Variants in ERBB3 observed in about 807,000 individuals in gnomAD.
ERBB3 encodes erb-b2 receptor tyrosine kinase 3.
Under a neutral mutation model 156.7 loss-of-function variants are expected in ERBB3, and 96 were observed. That is an observed-to-expected ratio of 0.61 (90% confidence interval 0.52 to 0.73). The LOEUF is 0.73. Among genes scored for constraint, ERBB3 ranks in the 30% least tolerant of loss-of-function variants. The probability of loss-of-function intolerance (pLI) is 0.00; values close to 1 mark genes in which losing one functional copy is unlikely to be tolerated. For synonymous variants in ERBB3, 567 were observed against 632.0 expected (o/e 0.90, Z 1.54); for missense variants, 1,406 against 1,709.4 (o/e 0.82, Z 3.13).
Position 56,096,785 on chromosome 12 carries a change from C to T in ERBB3, c.2213C>T (p.Pro738Leu). Residue 738 changes from proline to leucine, a missense_variant, in exon 19 of 28, where the codon CCA (proline) becomes CTA (leucine). Physicochemically the swap from Pro to Leu is moderately conservative, Grantham distance 98 (BLOSUM62 -3). Coordinates refer to ENST00000267101, the MANE Select transcript of ERBB3 (RefSeq NM_001982.4). ...CCTGAGGGTGAATCAATCAAGATTC[C>T]AGTCTGCATTAAAGTCATTGAGGAC... The part of the protein sequence containing the change: ...WIPEGESIKI[P>L]VCIKVIEDKS... The T allele has an allele frequency of 6.2e-7, 1 of 1,613,954 alleles. No homozygotes were observed. Among genetic ancestry groups the T allele is most frequent in the Non-Finnish European group, 8.5e-7 (1 of 1,179,946 alleles).
chr12:56,100,856 C>T (rs1035516148), intron 26 of ERBB3, among the ~76,000 whole-genome samples: 1 of 140,842 alleles, frequency 7.1e-6, no homozygotes, highest in African/African-American at 2.6e-5. Context: ...AGGAGAATCA[C>T]TTGAACAGGG....
chr12:56,096,787 G>C lies in ERBB3; in HGVS notation c.2215G>C (p.Val739Leu). ...TGAGGGTGAATCAATCAAGATTCCAGTCTGCATTAAAGTCATTGAGGACAA... is the reference window on the plus strand; with the variant it reads ...TGAGGGTGAATCAATCAAGATTCCACTCTGCATTAAAGTCATTGAGGACAA... ...IPEGESIKIP[V>L]CIKVIEDKSG... Residue 739 changes from valine (V) to leucine (L), a missense_variant, in exon 19 of 28, where the codon GTC becomes CTC. This residue lies in a region of ERBB3 where 979 missense variants were observed against 1,219.6 expected (regional missense o/e 0.80). Coordinates refer to ENST00000267101, the MANE Select transcript of ERBB3 (RefSeq NM_001982.4). 6.2e-7 allele frequency: 1 copy of C among 1,614,144 alleles called. No homozygotes were observed. The highest frequency in any genetic ancestry group is 8.5e-7 in the Non-Finnish European group (1 of 1,179,992).
chr12:56,089,992 AC>A (rs1868619126), intron 9 of ERBB3, among the ~76,000 whole-genome samples: 4 of 145,490 alleles, frequency 2.7e-5, no homozygotes, highest in Non-Finnish European at 6.1e-5. Flanking sequence ...TTCCCCATAT[AC>A]TTTTTTTTTT....
chr12:56,091,283 T>TAATATATATAAATATAA (rs1868678240), intron 9 of ERBB3, among the ~76,000 whole-genome samples: 1 of 51,762 alleles, frequency 1.9e-5, no homozygotes, highest in East Asian at 4.0e-4. Context: ...TATATATATA[T>TAATATATATAAATATAA]ATATATATAT....
At chr12:56,082,341 G>A (rs982377359) in intron 1 of ERBB3, among the ~76,000 whole-genome samples, 6 of 152,142 alleles carry the variant, frequency 3.9e-5, no homozygotes, top group Non-Finnish European at 8.8e-5. Context: ...ATCCTGCCAG[G>A]AAGGGGATTG....
chr12:56,103,044 A>G lies in ERBB3; in HGVS notation c.*989A>G, dbSNP rs565840792. 2 of 230,128 alleles carry G rather than the reference A, an allele frequency of 8.7e-6. No homozygotes were observed. The highest frequency in any genetic ancestry group is 2.2e-5 in the African/African-American group (1 of 45,210). The allele number at this position is 230,128 out of a possible 1,614,324, so 14.3% of individuals were successfully genotyped here. On this transcript the variant is annotated 3_prime_UTR_variant, in exon 28 of 28. Coordinates refer to ENST00000267101, the MANE Select transcript of ERBB3 (RefSeq NM_001982.4). ...AGATCCAGGATGCAAAATCCTCCCA[A>G]TTCCTGTGCATGTGCTCTTATTGTA...
In ERBB3 at chr12:56,102,008, T is replaced by G. The variant is rs761652415; in HGVS notation, c.3982T>G (p.Tyr1328Asp). ...ATDSAFDNPD[Y>D]WHSRLFPKAN... is the part of the protein sequence containing the mutation. ...AGACTCTGCCTTTGATAACCCTGATTACTGGCATAGCAGGCTTTTCCCCAA... is the reference window on the plus strand; with the variant it reads ...AGACTCTGCCTTTGATAACCCTGATGACTGGCATAGCAGGCTTTTCCCCAA... Residue 1328 changes from tyrosine (Y) to aspartate (D), a missense_variant, in exon 28 of 28, where the codon TAC (tyrosine) becomes GAC (aspartate). Physicochemically the swap from Tyr to Asp is radical, Grantham distance 160. Around this residue, in one of 3 missense-constraint regions of ERBB3, gnomAD observed 415 missense variants for 454.1 expected, o/e 0.91. Coordinates refer to ENST00000267101, the MANE Select transcript of ERBB3 (RefSeq NM_001982.4). The G allele has an allele frequency of 1.2e-6, 2 of 1,613,316 alleles. No individual in the cohort carries two copies. The highest frequency in any genetic ancestry group is 1.7e-6 in the Non-Finnish European group (2 of 1,179,988).
At chr12:56,091,292 AT>A (rs1262639432) in intron 9 of ERBB3, among the ~76,000 whole-genome samples, 3 of 58,138 alleles carry the variant, frequency 5.2e-5, no homozygotes, top group Admixed American at 4.4e-4. Flanking sequence ...ATATATATAT[AT>A]ATAAATAATA....
At chr12:56,097,738 A>AGAT in intron 20 of ERBB3, 47 bp from the exon 21 acceptor site, 2 of 1,580,860 alleles carry the variant, frequency 1.3e-6, no homozygotes, top group Non-Finnish European at 1.7e-6. Flanking sequence ...GATCTCAGTG[A>AGAT]CTGATTCCCC....
At chr12:56,089,128 C>CT (rs1868585078) in intron 9 of ERBB3, 2 of 542,478 alleles carry the variant, frequency 3.7e-6, no homozygotes, top group African/African-American at 4.0e-5. Flanking sequence ...TTAAAGTTTT[C>CT]TTTTTTATTC....
At position 56,099,729 on chromosome 12, in the gene ERBB3, G is replaced by A. The variant is rs376939275; in HGVS notation, c.2921G>A (p.Arg974Gln). The change falls in exon 24 of 28, where the codon CGG becomes CAG. Residue 974 changes from arginine to glutamine, a missense_variant. Coordinates refer to ENST00000267101, the MANE Select transcript of ERBB3 (RefSeq NM_001982.4). Reference sequence around the variant, plus strand: ...ACCAGGATGGCCCGAGACCCACCACGGTATCTGGTCATAAAGGTGAGTAGG... The same window carrying A: ...ACCAGGATGGCCCGAGACCCACCACAGTATCTGGTCATAAAGGTGAGTAGG... ...EFTRMARDPP[R>Q]YLVIKRESGP... The A allele has an allele frequency of 7.4e-6, 12 of 1,613,934 alleles. No individual in the cohort carries two copies. Among genetic ancestry groups the A allele is most frequent in the Admixed American group, 6.7e-5 (4 of 59,990 alleles).
rs745801537 is a variant in ERBB3 at position 56,097,184 on chromosome 12, C to T, written c.2414C>T (p.Ala805Val). 3 of 1,613,966 alleles carry T rather than the reference C, an allele frequency of 1.9e-6. No individual in the cohort carries two copies. Among genetic ancestry groups the T allele is most frequent in the African/African-American group, 2.7e-5 (2 of 74,872 alleles). ...GATCATGTGAGACAACACCGGGGGG[C>T]ACTGGGGCCACAGCTGCTGCTCAAC... Reference protein sequence around the residue: ...LLDHVRQHRGALGPQLLLNWG... With the variant: ...LLDHVRQHRGVLGPQLLLNWG... Residue 805 changes from alanine to valine, a missense_variant, in exon 20 of 28, where the codon GCA (alanine) becomes GTA (valine). Physicochemically the swap from Ala to Val is moderately conservative, Grantham distance 64 (BLOSUM62 0). This residue lies in a region of ERBB3 where 979 missense variants were observed against 1,219.6 expected (regional missense o/e 0.80). Coordinates refer to ENST00000267101, the MANE Select transcript of ERBB3 (RefSeq NM_001982.4).
chr12:56,088,719 C>A, intron 8 of ERBB3, 29 bp from the exon 9 acceptor site: 1 of 1,614,118 alleles, frequency 6.2e-7, no homozygotes, highest in Non-Finnish European at 8.5e-7. Context: ...GCGCAGACCA[C>A]CCCCACTGAA....
In ERBB3 at chr12:56,095,351, G is replaced by C; in HGVS notation, c.1913+41G>C. The C allele has an allele frequency of 2.6e-6, 4 of 1,546,858 alleles. No individual in the cohort carries two copies. In the South Asian group the frequency reaches 4.5e-5, roughly 17 times the overall value. Reference sequence around the variant, plus strand: ...AGATTCTGGAAACTGGGGATATTTGGGAGTTGGGAGAGAGGTGGTTACCTG... The same window carrying C: ...AGATTCTGGAAACTGGGGATATTTGCGAGTTGGGAGAGAGGTGGTTACCTG... On this transcript the variant is annotated intron_variant, in intron 16 of 27. Coordinates refer to ENST00000267101, the MANE Select transcript of ERBB3 (RefSeq NM_001982.4).
intron 9 of ERBB3, among the ~76,000 whole-genome samples, chr12:56,090,006 T>C (rs1421523840): frequency 6.6e-6 from 1 of 151,802 alleles, no homozygotes; most frequent in Non-Finnish European, 1.5e-5. Context: ...TTTTTTTTTT[T>C]TTAAGACAAA....
chr12:56,084,520 G>A (rs1414132463), intron 2 of ERBB3, among the ~76,000 whole-genome samples: 3 of 150,294 alleles, frequency 2.0e-5, no homozygotes, highest in Admixed American at 1.4e-4. Flanking sequence ...TGAGGTGGGA[G>A]GATTGCTTGA....
At chr12:56,087,467 T>C in intron 4 of ERBB3, 110 bp from the exon 5 acceptor site, 1 of 973,190 alleles carries the variant, frequency 1.0e-6, no homozygotes. Context: ...CAGCCCTGGC[T>C]TTTTGCTTCC....
In ERBB3 at chr12:56,099,803, C is replaced by G. The variant is rs1869026435; in HGVS notation, c.2938-35C>G. 9.9e-6 allele frequency: 16 copies of G among 1,612,940 alleles called. 1 individual carries two copies. The East Asian group carries it at 3.3e-4, about 34-fold the overall frequency. On this transcript the variant is annotated intron_variant, in intron 24 of 27. Coordinates refer to ENST00000267101, the MANE Select transcript of ERBB3 (RefSeq NM_001982.4). ...TAGAAAAAGGAGGAGTTGGCTGGAA[C>G]CAGGATTCCCCCTAACAATCACCTA...
At chr12:56,088,495 G>T (rs751610199) in intron 7 of ERBB3, 48 bp from the exon 8 acceptor site, 1 of 1,383,294 alleles carries the variant, frequency 7.2e-7, no homozygotes, top group Admixed American at 1.7e-5. Flanking sequence ...TTGGTAGCTG[G>T]TGATGTTCCT....
Sources: allele counts gnomAD v4.1 joint callset (sites outside exome capture counted in the v4.1 genomes callset), GRCh38; gene constraint gnomAD v4.1.1; regional missense constraint gnomAD v4.1.1; transcripts MANE v1.5; gene names NCBI Gene and HGNC (gene_info 2026-07-23, HGNC 2026-07-21).